Variants in DEAF1 observed in about 807,000 individuals in gnomAD.
DEAF1 encodes the protein deformed epidermal autoregulatory factor 1 homolog.
In DEAF1, 53 loss-of-function variants were observed where a neutral mutation model predicts 58.9. The observed-to-expected ratio is 0.90, with a 90% CI of 0.72 to 1.13. The LOEUF (loss-of-function observed/expected upper bound fraction) is 1.13, where lower values mean the gene tolerates loss of function less well. Among genes scored for constraint, DEAF1 ranks in the 50% most tolerant of loss-of-function variants. The probability of loss-of-function intolerance (pLI) is 0.00; values close to 1 mark genes in which losing one functional copy is unlikely to be tolerated. For missense variants in DEAF1, 685 were observed against 791.4 expected (o/e 0.87, Z 1.61); for synonymous variants, 385 against 340.4 (o/e 1.13, Z -1.44).
Position 703,980 on chromosome 11 carries a change from T to C in DEAF1, c.-438+2592A>G, listed in dbSNP as rs1269512512. The C allele has an allele frequency of 1.5e-5, 18 of 1,227,982 alleles. No individual in the cohort carries two copies. The South Asian group carries it at 5.2e-4, about 35-fold the overall frequency. 76.1% of individuals were successfully genotyped at this position (1,227,982 alleles called of 1,614,324 possible). A position where few individuals can be genotyped will look rare whatever the true frequency, so the allele number is the denominator to read the frequency against. ...CCATTCCCAGATTTACTATCAGTTC[T>C]CCTTAAAAAGTATCTAAGCTGTTAC... On this transcript the variant is annotated intron_variant, in intron 1 of 11. Coordinates refer to the DEAF1 transcript ENST00000683307.
At chr11:681,315 A>T (rs1590008782) in intron 6 of DEAF1, among the ~76,000 whole-genome samples, 1 of 151,656 alleles carries the variant, frequency 6.6e-6, no homozygotes, top group African/African-American at 2.4e-5. Context: ...GCTTACTGCA[A>T]CCTCCGCCTC....
intron 1 of DEAF1, among the ~76,000 whole-genome samples, chr11:692,011 C>T (rs975017801): frequency 1.3e-5 from 2 of 152,146 alleles, no homozygotes; most frequent in Non-Finnish European, 2.9e-5. Flanking sequence ...CTCCTGGACC[C>T]ACTCTTGTAG....
intron 1 of DEAF1, chr11:692,176 C>T: frequency 5.3e-6 from 1 of 190,014 alleles, no homozygotes; most frequent in South Asian, 1.0e-4. Flanking sequence ...CCCACCGCAC[C>T]CCCTACAACA....
Position 688,508 on chromosome 11 carries a change from G to C in DEAF1, c.388-48C>G. The C allele has an allele frequency of 6.2e-7, 1 of 1,610,956 alleles. No individual in the cohort carries two copies. The highest frequency in any genetic ancestry group is 8.5e-7 in the Non-Finnish European group (1 of 1,179,448). ...CAGGTCACGTCCGAGAGTGACACCA[G>C]GCGTGTCACTGAGCCCAGCTGGGCC... On this transcript the variant is annotated intron_variant, in intron 2 of 11. Coordinates refer to ENST00000382409, the MANE Select transcript of DEAF1 (RefSeq NM_021008.4). This position sits in a 1 kb window ranked among gnomAD's most constrained non-coding sequence, Gnocchi z 4.3.
rs138000995 is a variant in DEAF1, at chr11:678,011, G to A, written c.1255+683C>T. On this transcript the variant is annotated intron_variant, in intron 9 of 11. Coordinates refer to ENST00000382409, the MANE Select transcript of DEAF1 (RefSeq NM_021008.4). ...AATTATACAGAAATCTTGGCTGCAT[G>A]TGGTGGCTCACACCTGTAATCCCAG... Among the ~76,000 whole-genome samples, 452 of 147,604 alleles carry A rather than the reference G, an allele frequency of 3.1e-3. 1 individual carries two copies. The highest frequency in any genetic ancestry group is 0.011 in the African/African-American group (429 of 39,532).
intron 11 of DEAF1, among the ~76,000 whole-genome samples, chr11:648,141 A>G (rs1216121374): frequency 6.6e-6 from 1 of 151,408 alleles, no homozygotes; most frequent in South Asian, 2.1e-4. Context: ...AAACTCGTGT[A>G]TACTTTTGTG....
At chr11:694,615 G>T (rs1485186247) in intron 1 of DEAF1, 144 bp downstream of exon 1, 8 of 753,540 alleles carry the variant, frequency 1.1e-5, no homozygotes, top group Admixed American at 4.5e-5. Context: ...CAGGTGTGCA[G>T]GGCGGGTGGA....
intron 10 of DEAF1, among the ~76,000 whole-genome samples, chr11:663,804 C>A (rs1391402613): frequency 2.0e-5 from 3 of 152,196 alleles, no homozygotes; most frequent in Non-Finnish European, 2.9e-5. Context: ...GTTTTTCTTG[C>A]GAAGGTCCGG....
chr11:703,893 G>A, intron 1 of DEAF1: 1 of 1,240,924 alleles, frequency 8.1e-7, no homozygotes. Flanking sequence ...GTCCACTCCA[G>A]TTTTATCAGC....
chr11:688,160 G>C lies in DEAF1; in HGVS notation c.518-103C>G. On this transcript the variant is annotated intron_variant, in intron 3 of 11. Transcript: ENST00000382409. This position sits in a 1 kb window ranked among gnomAD's most constrained non-coding sequence, Gnocchi z 4.3. ...CCCCGGCAGCGCCACCTCCTTCAAC[G>C]GCGGAAAAACTTCTTGGTCAGGAAA... 6.4e-7 allele frequency: 1 copy of C among 1,560,184 alleles called. No individual in the cohort carries two copies. Among genetic ancestry groups the C allele is most frequent in the Non-Finnish European group, 8.7e-7 (1 of 1,143,740 alleles).
chr11:695,507 C>T (rs1861086423), upstream of DEAF1: 2 of 955,708 alleles, frequency 2.1e-6, no homozygotes, highest in African/African-American at 3.4e-5. Context: ...TTCTGCCTCT[C>T]AGAGAGAGCT....
chr11:678,753 T>A lies in DEAF1; in HGVS notation c.1196A>T (p.Asp399Val). 6.2e-7 allele frequency: 1 copy of A among 1,614,222 alleles called. No individual in the cohort carries two copies. Among genetic ancestry groups the A allele is most frequent in the Non-Finnish European group, 8.5e-7 (1 of 1,180,030 alleles). ...TGGAAACGGTGCGATCTGGCAGCTG[T>A]CCTGATAGCCGGGGTAGTGAGGCTC... ...HPEPHYPGYQ[D>V]SCQIAPFPEA... Residue 399 changes from aspartate to valine, a missense_variant, in exon 9 of 12, where the codon GAC (aspartate) becomes GTC (valine). Physicochemically the swap from Asp to Val is radical, Grantham distance 152. Coordinates refer to ENST00000382409, the MANE Select transcript of DEAF1 (RefSeq NM_021008.4).
At chr11:648,356 A>G (rs530023876) in intron 11 of DEAF1, among the ~76,000 whole-genome samples, 38 of 152,042 alleles carry the variant, frequency 2.5e-4, no homozygotes, top group Admixed American at 9.2e-4. Flanking sequence ...CACCACGCCA[A>G]GCTAATTTTT....
At chr11:662,642 C>T (rs1411940189) in intron 10 of DEAF1, among the ~76,000 whole-genome samples, 3 of 152,178 alleles carry the variant, frequency 2.0e-5, no homozygotes, top group East Asian at 1.9e-4. Flanking sequence ...GCCTCACCCC[C>T]GAGCCCTCGT....
chr11:681,133 A>C, intron 6 of DEAF1, 44 bp from the exon 7 acceptor site: 14 of 1,612,678 alleles, frequency 8.7e-6, no homozygotes, highest in Non-Finnish European at 1.2e-5. Flanking sequence ...TGTGTGCAAA[A>C]GCTATGCTGC....
At chr11:703,821 G>A (rs1590040576) in intron 1 of DEAF1, 12 of 1,234,502 alleles carry the variant, frequency 9.7e-6, no homozygotes, top group Non-Finnish European at 1.2e-5. Context: ...GAGAGGTCAG[G>A]GCTAAGGCCG....
intron 1 of DEAF1, 158 bp downstream of exon 1, chr11:694,601 G>A: frequency 4.8e-6 from 3 of 622,280 alleles, no homozygotes; most frequent in South Asian, 4.3e-5. Flanking sequence ...GCAGGTGTGA[G>A]GGGCAGGTGT....
At chr11:659,489 C>T (rs952464713) in intron 10 of DEAF1, among the ~76,000 whole-genome samples, 7 of 152,270 alleles carry the variant, frequency 4.6e-5, no homozygotes, top group African/African-American at 1.7e-4. Flanking sequence ...GTGTATCTTA[C>T]AAGGAGTGCT....
At chr11:690,384 T>A in intron 2 of DEAF1, among the ~76,000 whole-genome samples, 1 of 105,646 alleles carries the variant, frequency 9.5e-6, no homozygotes, top group Non-Finnish European at 1.9e-5. Context: ...GGGAGGGGGT[T>A]TCCAAGTTTC....
Sources: gnomAD v4.1 joint callset for allele counts (sites outside exome capture counted in the v4.1 genomes callset) on GRCh38, gnomAD v4.1.1 for gene constraint, Gnocchi (gnomAD v3.1) non-coding constraint, MANE v1.5 for transcripts, NCBI Gene and HGNC (gene_info 2026-07-23, HGNC 2026-07-21) for gene names.